Variants in KCND3 observed in about 807,000 individuals in gnomAD.
KCND3 encodes potassium voltage-gated channel subfamily D member 3, also known as A-type voltage-gated potassium channel KCND3.
A neutral mutation model predicts 51.1 loss-of-function variants in KCND3; 9 were observed. The ratio of observed to expected loss-of-function variants is 0.18; its 90% CI spans 0.11 to 0.31. The LOEUF (loss-of-function observed/expected upper bound fraction) is 0.31, where lower values mean the gene tolerates loss of function less well. Ranked by LOEUF, KCND3 falls within the 10% of genes least tolerant of loss-of-function variation. The pLI is 1.00. For synonymous variants in KCND3, 349 were observed against 368.0 expected, an observed-to-expected ratio of 0.95 and a Z score of 0.59; for missense variants, 526 against 903.8, an observed-to-expected ratio of 0.58 and a Z score of 5.36.
chr1:111,978,162 C>T (rs1674747224), intron 2 of KCND3, among the ~76,000 whole-genome samples: 1 of 152,164 alleles, frequency 6.6e-6, no homozygotes, highest in Non-Finnish European at 1.5e-5. Context: ...GAGATCCCTC[C>T]CTGGAGGACA....
chr1:111,860,897 T>G (rs1292066709), intron 2 of KCND3, among the ~76,000 whole-genome samples: 1 of 152,216 alleles, frequency 6.6e-6, no homozygotes, highest in Non-Finnish European at 1.5e-5. Flanking sequence ...CCTGTCTTAC[T>G]GGATTATTGA....
intron 2 of KCND3, among the ~76,000 whole-genome samples, chr1:111,827,176 T>G (rs1666615789): frequency 6.6e-6 from 1 of 152,242 alleles, no homozygotes; most frequent in South Asian, 2.1e-4. Context: ...TTTGCCTAAG[T>G]GTACAGCAAA....
chr1:111,884,837 G>C (rs569882034), intron 2 of KCND3, among the ~76,000 whole-genome samples: 143 of 152,278 alleles, frequency 9.4e-4, no homozygotes, highest in African/African-American at 3.3e-3. Context: ...TTTTGGTAAG[G>C]TTCTAAAGCA....
Position 111,970,274 on chromosome 1 carries a change from C to T in KCND3, c.1106+11347G>A, listed in dbSNP as rs112407339. Among the ~76,000 whole-genome samples, 1,004 of 152,280 alleles carry T rather than the reference C, an allele frequency of 6.6e-3. 14 individuals carry two copies. Among genetic ancestry groups the T allele is most frequent in the African/African-American group, 0.023 (952 of 41,564 alleles). On this transcript the variant is annotated intron_variant, in intron 2 of 7. Coordinates refer to ENST00000302127, the MANE Select transcript of KCND3 (RefSeq NM_001378969.1). ...TCAGTTGATCCACTCACCTCAGCCT[C>T]CCAATCCTTCTCATTTTAAACATTC...
chr1:111,942,612 CTA>C (rs1216313098), intron 2 of KCND3, among the ~76,000 whole-genome samples: 3 of 152,244 alleles, frequency 2.0e-5, no homozygotes, highest in Non-Finnish European at 4.4e-5. Context: ...AACCAACTCA[CTA>C]CACCCATCGC....
chr1:111,788,671 T>A (rs1291467356), intron 2 of KCND3, among the ~76,000 whole-genome samples: 5 of 152,196 alleles, frequency 3.3e-5, no homozygotes, highest in Admixed American at 2.0e-4. Context: ...TCTTTGCAGC[T>A]AGGGTTGTCT....
rs369553868 is a variant in KCND3 at position 111,876,936 on chromosome 1, T to C, written c.1107-89830A>G. 3.3e-5 allele frequency among the ~76,000 whole-genome samples: 5 copies of C among 152,180 alleles called. No individual in the cohort carries two copies. The East Asian group carries it at 7.7e-4, about 23-fold the overall frequency. ...CAGGGACCTTCGGCATCGTTCTCTC[T>C]CCGGGTAGGATGGCTCCACATCTGG... On this transcript the variant is annotated intron_variant, in intron 2 of 7. Transcript: ENST00000302127.
intron 2 of KCND3, among the ~76,000 whole-genome samples, chr1:111,920,513 G>A (rs1232832446): frequency 6.6e-6 from 1 of 152,192 alleles, no homozygotes; most frequent in Non-Finnish European, 1.5e-5. Context: ...CCCAGTGCTG[G>A]GTGCTTCCTC....
At chr1:111,894,039 A>G (rs1669982514) in intron 2 of KCND3, among the ~76,000 whole-genome samples, 1 of 152,136 alleles carries the variant, frequency 6.6e-6, no homozygotes, top group Non-Finnish European at 1.5e-5. Flanking sequence ...TGAGCTTTTA[A>G]AGCATGAACA....
intron 2 of KCND3, among the ~76,000 whole-genome samples, chr1:111,788,176 C>T (rs1664689586): frequency 6.6e-6 from 1 of 152,236 alleles, no homozygotes; most frequent in Non-Finnish European, 1.5e-5. Context: ...AGATGCTTTC[C>T]ACAGTGGTTA....
intron 2 of KCND3, among the ~76,000 whole-genome samples, chr1:111,933,420 G>A (rs1672070858): frequency 6.6e-6 from 1 of 152,210 alleles, no homozygotes; most frequent in Non-Finnish European, 1.5e-5. Flanking sequence ...AGCTTATAAA[G>A]GAGGTCAGGG....
chr1:111,779,145 A>G (rs943509994), intron 5 of KCND3, among the ~76,000 whole-genome samples: 2 of 152,180 alleles, frequency 1.3e-5, no homozygotes, highest in African/African-American at 2.4e-5. Context: ...TGTCATCCAC[A>G]GGGTCCACAT....
intron 2 of KCND3, among the ~76,000 whole-genome samples, chr1:111,894,676 A>G (rs10776737): frequency 0.18 from 27,653 of 152,214 alleles, 3,019 homozygotes; most frequent in East Asian, 0.46. Context: ...CCTAGCTGGG[A>G]CTGGCGGAGG....
rs116656238 is a variant in KCND3, at chr1:111,933,520, C to T, written c.1106+48101G>A. 4.7e-3 allele frequency among the ~76,000 whole-genome samples: 710 copies of T among 152,218 alleles called. 1 individual carries two copies. The highest frequency in any genetic ancestry group is 8.1e-3 in the Non-Finnish European group (548 of 68,004). ...CTGAATCCTGGCAGAAGAGCATTCA[C>T]GAAATTATTGCAGCATCTCTTAAGA... On this transcript the variant is annotated intron_variant, in intron 2 of 7. Transcript: ENST00000302127.
chr1:111,940,079 T>TTG (rs1672434795), intron 2 of KCND3, among the ~76,000 whole-genome samples: 1 of 133,324 alleles, frequency 7.5e-6, no homozygotes, highest in African/African-American at 2.7e-5. Flanking sequence ...GATGGTTTTT[T>TTG]TTTTTTTTTT....
chr1:111,952,295 C>T (rs1327503483), intron 2 of KCND3, among the ~76,000 whole-genome samples: 1 of 152,164 alleles, frequency 6.6e-6, no homozygotes, highest in Admixed American at 6.5e-5. Flanking sequence ...CTTCGCCCCA[C>T]TCCCTACCCA....
rs181964572 is a variant in KCND3, at chr1:111,799,737, T to C, written c.1107-12631A>G. On this transcript the variant is annotated intron_variant, in intron 2 of 7. Transcript: ENST00000302127. The stretch of plus-strand genomic sequence containing the variant: ...ACATAATTCCTTTAGCCTGCACAGC[T>C]CCTAGGAAAAACACACTGACATGGA... 6.1e-4 allele frequency among the ~76,000 whole-genome samples: 93 copies of C among 152,208 alleles called. 1 individual carries two copies. Among genetic ancestry groups the C allele is most frequent in the African/African-American group, 2.1e-3 (89 of 41,524 alleles).
At chr1:111,928,692 C>T (rs893791035) in intron 2 of KCND3, among the ~76,000 whole-genome samples, 5 of 152,220 alleles carry the variant, frequency 3.3e-5, no homozygotes, top group Non-Finnish European at 7.3e-5. Flanking sequence ...AAGGCAACTC[C>T]TGAGTTTTCA....
chr1:111,911,597 G>A (rs1052216641), intron 2 of KCND3, among the ~76,000 whole-genome samples: 1 of 152,154 alleles, frequency 6.6e-6, no homozygotes, highest in Non-Finnish European at 1.5e-5. Context: ...GAAGACTGTT[G>A]ACCAGGGCTC....
Sources: gnomAD v4.1 joint callset for allele counts (sites outside exome capture counted in the v4.1 genomes callset) on GRCh38, gnomAD v4.1.1 for gene constraint, MANE v1.5 for transcripts, NCBI Gene and HGNC (gene_info 2026-07-23, HGNC 2026-07-21) for gene names.